The following TMEM132D variants were observed in gnomAD, a reference collection of about 807,000 sequenced individuals.
TMEM132D encodes transmembrane protein 132D.
A neutral mutation model predicts 62.3 loss-of-function variants in TMEM132D; 21 were observed. The ratio of observed to expected loss-of-function variants is 0.34; its 90% confidence interval spans 0.24 to 0.49. The LOEUF is 0.49. Ranked by LOEUF, TMEM132D falls within the 20% of genes least tolerant of loss-of-function variation. The pLI, the probability that TMEM132D is intolerant of heterozygous loss-of-function variation, is 0.99. For synonymous variants in TMEM132D, 621 were observed against 575.6 expected, an observed-to-expected ratio of 1.08 and a Z score of -1.13; for missense variants, 1,346 against 1,402.8, an observed-to-expected ratio of 0.96 and a Z score of 0.65.
chr12:129,701,317 C>T (rs1037218197), intron 1 of TMEM132D, among the ~76,000 whole-genome samples: 1 of 152,180 alleles, frequency 6.6e-6, no homozygotes, highest in African/African-American at 2.4e-5. Context: ...GGACACCCGC[C>T]CCCAGTTGGA....
At chr12:129,628,652 G>A (rs1267107626) in intron 2 of TMEM132D, among the ~76,000 whole-genome samples, 1 of 152,182 alleles carries the variant, frequency 6.6e-6, no homozygotes, top group Non-Finnish European at 1.5e-5. Context: ...CAGTGGACAA[G>A]GAGAGAAATG....
At chr12:129,535,056 C>T (rs1876341625) in intron 2 of TMEM132D, among the ~76,000 whole-genome samples, 1 of 152,208 alleles carries the variant, frequency 6.6e-6, no homozygotes, top group African/African-American at 2.4e-5. Flanking sequence ...CTGTGAACAT[C>T]CATTGCTGGT....
chr12:129,321,851 A>ACG (rs1868726019), intron 4 of TMEM132D, among the ~76,000 whole-genome samples: 1 of 151,972 alleles, frequency 6.6e-6, no homozygotes, highest in African/African-American at 2.4e-5. Flanking sequence ...GAGCCACTGC[A>ACG]CCCGGCCGAG....
intron 3 of TMEM132D, among the ~76,000 whole-genome samples, chr12:129,449,931 A>C (rs34510523): frequency 0.31 from 47,282 of 152,030 alleles, 9,149 homozygotes; most frequent in Non-Finnish European, 0.45. Flanking sequence ...TGACTCTAAA[A>C]GAGTTTCATT....
At chr12:129,490,596 A>ATTTTTTTTTTTTTTTT (rs35535325) in intron 3 of TMEM132D, among the ~76,000 whole-genome samples, 42 of 71,112 alleles carry the variant, frequency 5.9e-4, no homozygotes, top group African/African-American at 9.7e-4. Context: ...CGCCCGGCTA[A>ATTTTTTTTTTTTTTTT]TTTTTTTTTT....
chr12:129,849,478 T>C (rs970524399), intron 1 of TMEM132D, among the ~76,000 whole-genome samples: 2 of 152,220 alleles, frequency 1.3e-5, no homozygotes, highest in African/African-American at 4.8e-5. Context: ...TTCCTTTCTA[T>C]ATAATAATTG....
chr12:129,647,544 G>A (rs1879818254), intron 2 of TMEM132D, among the ~76,000 whole-genome samples: 1 of 152,184 alleles, frequency 6.6e-6, no homozygotes, highest in Non-Finnish European at 1.5e-5. Flanking sequence ...CAAAGTGGTT[G>A]CACCAATTTA....
At chr12:129,178,835 C>G (rs188245281) in intron 5 of TMEM132D, among the ~76,000 whole-genome samples, 19 of 152,318 alleles carry the variant, frequency 1.2e-4, no homozygotes, top group African/African-American at 4.1e-4. Context: ...GTCTGCACTC[C>G]TTGAACCTGG....
chr12:129,442,167 A>G (rs1872955807), intron 3 of TMEM132D, among the ~76,000 whole-genome samples: 1 of 152,232 alleles, frequency 6.6e-6, no homozygotes, highest in African/African-American at 2.4e-5. Context: ...AAAGCCTGCA[A>G]CGCTTGTCTT....
intron 4 of TMEM132D, among the ~76,000 whole-genome samples, chr12:129,278,756 C>A (rs1881064234): frequency 6.6e-6 from 1 of 152,112 alleles, no homozygotes; most frequent in Non-Finnish European, 1.5e-5. Context: ...CCCAAACTGT[C>A]CAGAGAATAA....
At chr12:129,751,162 G>A (rs1240005279) in intron 1 of TMEM132D, among the ~76,000 whole-genome samples, 3 of 152,122 alleles carry the variant, frequency 2.0e-5, no homozygotes. Flanking sequence ...AATTTACAGA[G>A]AAAAGAGGTT....
At chr12:129,790,169 ACT>A (rs1871363164) in intron 1 of TMEM132D, among the ~76,000 whole-genome samples, 1 of 151,572 alleles carries the variant, frequency 6.6e-6, no homozygotes, top group Admixed American at 6.6e-5. Context: ...CAGGAGCAAA[ACT>A]CTGTGTGGCC....
At chr12:129,193,010 T>C (rs112689649) in intron 5 of TMEM132D, among the ~76,000 whole-genome samples, 182 of 152,064 alleles carry the variant, frequency 1.2e-3, no homozygotes, top group African/African-American at 4.2e-3. Context: ...TACAAAAAAT[T>C]AGCCGAGCGC....
intron 2 of TMEM132D, among the ~76,000 whole-genome samples, chr12:129,659,894 T>C (rs1306505539): frequency 6.6e-6 from 1 of 152,128 alleles, no homozygotes; most frequent in Non-Finnish European, 1.5e-5. Context: ...ACCGAGGAAT[T>C]TTATATAAGT....
At position 129,779,166 on chromosome 12, in the gene TMEM132D, G is replaced by A. The variant is rs1484776121; in HGVS notation, c.80-78468C>T. On this transcript the variant is annotated intron_variant, in intron 1 of 8. Transcript: ENST00000422113. This position sits in a 1 kb window ranked among gnomAD's most constrained non-coding sequence, Gnocchi z 4.1. ...AATCCACCCAGCAGGAAGGATACAA[G>A]GCCTTAGGAAGGATCCATCTGGAAA... Among the ~76,000 whole-genome samples the A allele has an allele frequency of 6.6e-6, 1 of 152,178 alleles. No individual in the cohort carries two copies. The highest frequency in any genetic ancestry group is 2.4e-5 in the African/African-American group (1 of 41,450).
intron 1 of TMEM132D, among the ~76,000 whole-genome samples, chr12:129,724,578 A>G (rs1211440280): frequency 6.6e-6 from 1 of 152,176 alleles, no homozygotes; most frequent in Non-Finnish European, 1.5e-5. Context: ...GTTGGAGTAC[A>G]GTGGCGTGAT....
chr12:129,694,481 G>C (rs1881147042), intron 2 of TMEM132D, among the ~76,000 whole-genome samples: 1 of 152,212 alleles, frequency 6.6e-6, no homozygotes, highest in African/African-American at 2.4e-5. Context: ...GAGTCCTTGT[G>C]GATGAACTGC....
chr12:129,589,995 A>G (rs912197934), intron 2 of TMEM132D, among the ~76,000 whole-genome samples: 4 of 152,082 alleles, frequency 2.6e-5, no homozygotes, highest in East Asian at 3.9e-4. Flanking sequence ...TACCCTCTCA[A>G]ATATGTTCTA....
chr12:129,406,276 CACAT>C (rs1177167794), intron 3 of TMEM132D, among the ~76,000 whole-genome samples: 1 of 152,156 alleles, frequency 6.6e-6, no homozygotes, highest in African/African-American at 2.4e-5. Flanking sequence ...TATATAAACA[CACAT>C]ACATGAGCAT....
Sources: gnomAD v4.1 joint callset for allele counts (sites outside exome capture counted in the v4.1 genomes callset) on GRCh38, gnomAD v4.1.1 for gene constraint, Gnocchi (gnomAD v3.1) non-coding constraint, MANE v1.5 for transcripts, NCBI Gene and HGNC (gene_info 2026-07-23, HGNC 2026-07-21) for gene names.